The following TRAIP variants were observed in gnomAD, a reference collection of about 807,000 sequenced individuals.
The protein encoded by TRAIP is E3 ubiquitin-protein ligase TRAIP.
Under a neutral mutation model 65.0 loss-of-function variants are expected in TRAIP, and 37 were observed. The ratio of observed to expected loss-of-function variants is 0.57; its 90% CI spans 0.44 to 0.75. The LOEUF (loss-of-function observed/expected upper bound fraction) is 0.75. TRAIP is among the 30% of genes least tolerant of loss of function. The pLI is 0.00. For missense variants in TRAIP, 481 were observed against 579.4 expected, an observed-to-expected ratio of 0.83 and a Z score of 1.74; for synonymous variants, 187 against 219.1, an observed-to-expected ratio of 0.85 and a Z score of 1.29.
chr3:49,842,819 T>A (rs966524046), intron 5 of TRAIP, among the ~76,000 whole-genome samples: 8 of 152,112 alleles, frequency 5.3e-5, no homozygotes, highest in African/African-American at 1.9e-4. Context: ...ACTGCCAGCA[T>A]TTACAGGCCC....
chr3:49,839,871 G>A lies in TRAIP; in HGVS notation c.796-11C>T. 1 of 1,613,882 alleles carries A rather than the reference G, an allele frequency of 6.2e-7. No homozygotes were observed. The highest frequency in any genetic ancestry group is 1.1e-5 in the South Asian group (1 of 91,078). On this transcript the variant is annotated splice_polypyrimidine_tract_variant and intron_variant, in intron 9 of 14. Coordinates refer to ENST00000331456, the MANE Select transcript of TRAIP (RefSeq NM_005879.3). ...CTTCTTTTTCAGGCTCTTGGGGAGGGAAAGAAAAGTGTGTGAGAGAAAGGC... is the reference window on the plus strand; with the variant it reads ...CTTCTTTTTCAGGCTCTTGGGGAGGAAAAGAAAAGTGTGTGAGAGAAAGGC...
At chr3:49,852,290 CCA>C (rs2081939231) in intron 1 of TRAIP, among the ~76,000 whole-genome samples, 2 of 150,606 alleles carry the variant, frequency 1.3e-5, no homozygotes, top group Admixed American at 1.3e-4. Context: ...TTGCTTGAAC[CCA>C]GGAGGTGGAG....
intron 10 of TRAIP, among the ~76,000 whole-genome samples, chr3:49,835,200 C>A (rs1396872108): frequency 6.6e-6 from 1 of 151,648 alleles, no homozygotes; most frequent in Non-Finnish European, 1.5e-5. Flanking sequence ...AGAGCAAGAC[C>A]CTGTCTCAAA....
At position 49,828,951 on chromosome 3, in the gene TRAIP, T is replaced by C. The variant is rs893875802; in HGVS notation, c.*152A>G. ...CAGGGTGAGGGCAGGAAGAGCAGTCTCTGGGTGCCACACTCACCCTCACCT... is the reference window on the plus strand; with the variant it reads ...CAGGGTGAGGGCAGGAAGAGCAGTCCCTGGGTGCCACACTCACCCTCACCT... On this transcript the variant is annotated 3_prime_UTR_variant, in exon 15 of 15. Transcript: ENST00000331456. 4 of 1,048,850 alleles carry C rather than the reference T, an allele frequency of 3.8e-6. No individual in the cohort carries two copies. Among genetic ancestry groups the C allele is most frequent in the Non-Finnish European group, 5.7e-6 (4 of 700,854 alleles). The allele number at this position is 1,048,850 out of a possible 1,614,324, so 65.0% of individuals were successfully genotyped here.
chr3:49,851,274 A>G (rs2081928623), intron 1 of TRAIP, among the ~76,000 whole-genome samples: 1 of 152,214 alleles, frequency 6.6e-6, no homozygotes, highest in African/African-American at 2.4e-5. Flanking sequence ...ACGCCCAGCC[A>G]TACCCTGTTT....
At chr3:49,850,970 CTTTTTT>C (rs1244136943) in intron 1 of TRAIP, among the ~76,000 whole-genome samples, 1 of 142,096 alleles carries the variant, frequency 7.0e-6, no homozygotes, top group Admixed American at 7.1e-5. Context: ...TTCCTGTTTT[CTTTTTT>C]TTTTTTGGTG....
chr3:49,856,507 T>C lies in TRAIP; in HGVS notation c.-54A>G, dbSNP rs1301806331. 9.9e-6 allele frequency: 15 copies of C among 1,522,466 alleles called. No homozygotes were observed. The highest frequency in any genetic ancestry group is 1.9e-5 in the Admixed American group (1 of 53,940). 94.3% of individuals were successfully genotyped at this position (1,522,466 alleles called of 1,614,324 possible). ...CCAAAGAAACTGCTACAGGTCCGGC[T>C]TCGTAGACGCGCCCCCGCGCCTCCG... On this transcript the variant is annotated 5_prime_UTR_variant, in exon 1 of 15. Transcript: ENST00000331456.
At position 49,841,009 on chromosome 3, in the gene TRAIP, C is replaced by T. The variant is rs775167564; in HGVS notation, c.681G>A (p.Lys227=). 1.9e-6 allele frequency: 3 copies of T among 1,614,182 alleles called. No homozygotes were observed. The highest frequency in any genetic ancestry group is 1.7e-6 in the Non-Finnish European group (2 of 1,180,016). Residue 227 remains lysine (K), a synonymous_variant, in exon 8 of 15, where the codon AAG becomes AAA. Coordinates refer to ENST00000331456, the MANE Select transcript of TRAIP (RefSeq NM_005879.3). ...CCTTGCTTCTGGAGGAAAACAAATC[C>T]TTCCTCAGCTTGTCAGCCACCTCCC... ...ASGEVADKLR[K]DLFSSRSKLQ...
At chr3:49,848,966 C>T (rs906574264) in intron 1 of TRAIP, among the ~76,000 whole-genome samples, 1 of 151,960 alleles carries the variant, frequency 6.6e-6, no homozygotes, top group Non-Finnish European at 1.5e-5. Flanking sequence ...CCTACCTCAG[C>T]CTCCCAGGTA....
intron 10 of TRAIP, among the ~76,000 whole-genome samples, chr3:49,838,469 G>A (rs1690626523): frequency 6.6e-6 from 1 of 152,218 alleles, no homozygotes; most frequent in South Asian, 2.1e-4. Context: ...TAAGCTCCAA[G>A]CTCATCTATC....
chr3:49,847,405 GAAA>G (rs1345948078), intron 3 of TRAIP, 117 bp downstream of exon 3: 27 of 730,508 alleles, frequency 3.7e-5, no homozygotes, highest in African/African-American at 2.9e-4. Context: ...GAAAAGAAAA[GAAA>G]AGAAAAGAGA....
rs774388805 is a variant in TRAIP at position 49,841,864 on chromosome 3, C to T, written c.579G>A (p.Ala193=). The T allele has an allele frequency of 1.5e-5, 24 of 1,614,168 alleles. No individual in the cohort carries two copies. The highest frequency in any genetic ancestry group is 1.6e-4 in the Middle Eastern group (1 of 6,062). Residue 193 remains alanine, a synonymous_variant, in exon 7 of 15, where the codon GCG becomes GCA. Transcript: ENST00000331456. ...CACAGTACACAGCCAGCTGTTCCACCGCTGACTGTCCCACACCCATGTCTC... is the reference window on the plus strand; with the variant it reads ...CACAGTACACAGCCAGCTGTTCCACTGCTGACTGTCCCACACCCATGTCTC... ...MIRDMGVGQS[A]VEQLAVYCVS... is the part of the protein sequence containing the mutation.
chr3:49,841,985 T>C lies in TRAIP; in HGVS notation c.504-46A>G, dbSNP rs1375751073. 2.7e-6 allele frequency: 4 copies of C among 1,482,474 alleles called. No homozygotes were observed. The African/African-American group carries it at 5.5e-5, about 21-fold the overall frequency. 91.8% of individuals were successfully genotyped at this position (1,482,474 alleles called of 1,614,324 possible). A position where few individuals can be genotyped will look rare whatever the true frequency, so the allele number is the denominator to read the frequency against. On this transcript the variant is annotated intron_variant, in intron 6 of 14. Coordinates refer to ENST00000331456, the MANE Select transcript of TRAIP (RefSeq NM_005879.3). ...ACGGCATTTGCAATCTGGAGGCTGA[T>C]GGGTAGGTACCCAGTGCCGCTCTGC...
At chr3:49,849,669 T>C (rs2081914623) in intron 1 of TRAIP, among the ~76,000 whole-genome samples, 1 of 151,848 alleles carries the variant, frequency 6.6e-6, no homozygotes, top group Admixed American at 6.6e-5. Context: ...CAGCTGAGCT[T>C]TGCATCATCT....
In TRAIP at chr3:49,839,840, C is replaced by T. The variant is rs762017803; in HGVS notation, c.816G>A (p.Thr272=). ...GCAGGTTCAAGGTTTCCTGCAGCAT[C>T]GTTAGCTTCTTTTTCAGGCTCTTGG... The part of the protein sequence containing the change: ...KEIMSLKKKL[T]MLQETLNLPP... The change falls in exon 10 of 15, where the codon ACG becomes ACA. Residue 272 remains threonine (T), a synonymous_variant. Transcript: ENST00000331456. The T allele has an allele frequency of 3.1e-5, 50 of 1,614,102 alleles. 1 individual carries two copies. In the East Asian group the frequency reaches 1.0e-3, roughly 33 times the overall value.
Position 49,856,535 on chromosome 3 carries a change from T to C in TRAIP, c.-82A>G. The C allele has an allele frequency of 3.0e-6, 4 of 1,330,240 alleles. No homozygotes were observed. Among genetic ancestry groups the C allele is most frequent in the Middle Eastern group, 1.9e-4 (1 of 5,178 alleles). 82.4% of individuals were successfully genotyped at this position (1,330,240 alleles called of 1,614,324 possible). A position where few individuals can be genotyped will look rare whatever the true frequency, so the allele number is the denominator to read the frequency against. On this transcript the variant is annotated 5_prime_UTR_variant, in exon 1 of 15. Coordinates refer to ENST00000331456, the MANE Select transcript of TRAIP (RefSeq NM_005879.3). ...GTAGACGCGCCCCCGCGCCTCCGCT[T>C]GCTTCAAATTTGGCTCCGCAGCACG...
chr3:49,856,477 G>C lies in TRAIP; in HGVS notation c.-24C>G, dbSNP rs780207278. 1 of 1,606,146 alleles carries C rather than the reference G, an allele frequency of 6.2e-7. No individual in the cohort carries two copies. The highest frequency in any genetic ancestry group is 8.5e-7 in the Non-Finnish European group (1 of 1,175,008). ...ATGATGGCTGGACTCAAGGGGCCCA[G>C]GCAGCCAAAGAAACTGCTACAGGTC... On this transcript the variant is annotated 5_prime_UTR_variant, in exon 1 of 15. Coordinates refer to ENST00000331456, the MANE Select transcript of TRAIP (RefSeq NM_005879.3).
In TRAIP at chr3:49,841,058, A is replaced by G. The variant is rs2081835140; in HGVS notation, c.632T>C (p.Leu211Pro). 6.2e-7 allele frequency: 1 copy of G among 1,614,150 alleles called. No individual in the cohort carries two copies. Reference sequence around the variant, plus strand: ...CCCTGAGGCCTTCCGTGCCTCTTTTAGATTCTCGTACTCTCTGCAATGTGG... The same window carrying G: ...CCCTGAGGCCTTCCGTGCCTCTTTTGGATTCTCGTACTCTCTGCAATGTGG... ...CVSLKKEYEN[L>P]KEARKASGEV... is the part of the protein sequence containing the mutation. The change falls in exon 8 of 15, where the codon CTA becomes CCA. Residue 211 changes from leucine (L) to proline (P), a missense_variant. Leu to Pro is a moderately conservative substitution (Grantham distance 98). Coordinates refer to ENST00000331456, the MANE Select transcript of TRAIP (RefSeq NM_005879.3).
At chr3:49,853,468 A>T (rs965781828) in intron 1 of TRAIP, among the ~76,000 whole-genome samples, 4 of 152,096 alleles carry the variant, frequency 2.6e-5, no homozygotes. Context: ...AAATAAAATA[A>T]AACAGATGAA....
Sources: gnomAD v4.1 joint callset for allele counts (sites outside exome capture counted in the v4.1 genomes callset) on GRCh38, gnomAD v4.1.1 for gene constraint, MANE v1.5 for transcripts, NCBI Gene and HGNC (gene_info 2026-07-23, HGNC 2026-07-21) for gene names.